The following NCAM1 variants were observed in gnomAD, a reference collection of about 807,000 sequenced individuals.
NCAM1 encodes neural cell adhesion molecule 1, also known as antigen recognized by monoclonal antibody 5.1H11.
A neutral mutation model predicts 109.8 loss-of-function variants in NCAM1; 14 were observed. The observed-to-expected ratio is 0.13, with a 90% CI of 0.08 to 0.20. NCAM1 has a LOEUF of 0.20. NCAM1 is among the 10% of genes least tolerant of loss of function. NCAM1 has a pLI of 1.00. For missense variants in NCAM1, 774 were observed against 1,109.9 expected, an observed-to-expected ratio of 0.70 and a Z score of 4.30; for synonymous variants, 418 against 442.9, an observed-to-expected ratio of 0.94 and a Z score of 0.70.
chr11:113,068,222 G>GT (rs1470550495), intron 1 of NCAM1, among the ~76,000 whole-genome samples: 2 of 152,066 alleles, frequency 1.3e-5, no homozygotes. Flanking sequence ...CATATACCAA[G>GT]TTTTTAAGAC....
intron 1 of NCAM1, among the ~76,000 whole-genome samples, chr11:113,083,681 AG>A (rs1555087722): frequency 1.3e-5 from 2 of 152,186 alleles, no homozygotes; most frequent in African/African-American, 4.8e-5. Flanking sequence ...CGGTCCCCCA[AG>A]AATCTTGTTA....
intron 1 of NCAM1, among the ~76,000 whole-genome samples, chr11:112,992,200 A>AT (rs1207271160): frequency 4.0e-5 from 6 of 151,876 alleles, no homozygotes; most frequent in East Asian, 1.9e-4. Context: ...ATTTTTATGC[A>AT]TTTTTTTCAA....
In NCAM1 at chr11:113,122,110, T is replaced by A. The variant is rs558579451; in HGVS notation, c.53-80269T>A. Reference sequence around the variant, plus strand: ...ACACATCTCTCTAAGCCCATAACAGTTGCCTGGTGTCATCAGCTTGCCTTC... The same window carrying A: ...ACACATCTCTCTAAGCCCATAACAGATGCCTGGTGTCATCAGCTTGCCTTC... On this transcript the variant is annotated intron_variant, in intron 1 of 19. Transcript: ENST00000316851. Among the ~76,000 whole-genome samples, 6 of 152,334 alleles carry A rather than the reference T, an allele frequency of 3.9e-5. No individual in the cohort carries two copies. In the East Asian group the frequency reaches 1.2e-3, roughly 29 times the overall value.
At chr11:113,053,245 T>G (rs1489777956) in intron 1 of NCAM1, among the ~76,000 whole-genome samples, 1 of 152,210 alleles carries the variant, frequency 6.6e-6, no homozygotes, top group Non-Finnish European at 1.5e-5. Flanking sequence ...TCTCATTCCT[T>G]TTTTATGGCT....
intron 1 of NCAM1, among the ~76,000 whole-genome samples, chr11:113,057,864 A>G (rs1240304806): frequency 6.6e-6 from 1 of 152,224 alleles, no homozygotes; most frequent in Non-Finnish European, 1.5e-5. Context: ...AGCAGACCGC[A>G]AGACTTCTTA....
chr11:113,063,717 T>C (rs1272072356), intron 1 of NCAM1, among the ~76,000 whole-genome samples: 2 of 152,214 alleles, frequency 1.3e-5, no homozygotes, highest in Non-Finnish European at 2.9e-5. Context: ...ACCTTGTCTA[T>C]GCTAAGAACA....
At chr11:112,992,801 C>G (rs1951499636) in intron 1 of NCAM1, among the ~76,000 whole-genome samples, 1 of 152,094 alleles carries the variant, frequency 6.6e-6, no homozygotes, top group Non-Finnish European at 1.5e-5. Flanking sequence ...GCCACCGCAC[C>G]CGGCCTGAAA....
At chr11:113,051,634 A>G (rs1161392456) in intron 1 of NCAM1, among the ~76,000 whole-genome samples, 1 of 152,172 alleles carries the variant, frequency 6.6e-6, no homozygotes, top group Non-Finnish European at 1.5e-5. Context: ...TGTAGTATAA[A>G]CTATTTTGTA....
intron 9 of NCAM1, among the ~76,000 whole-genome samples, chr11:113,222,453 T>C (rs1359511826): frequency 6.6e-6 from 1 of 152,230 alleles, no homozygotes; most frequent in Middle Eastern, 3.2e-3. Flanking sequence ...CAGTTCATTA[T>C]AAACTTCCTG....
At chr11:112,995,688 G>A (rs1364199444) in intron 1 of NCAM1, among the ~76,000 whole-genome samples, 2 of 152,186 alleles carry the variant, frequency 1.3e-5, no homozygotes, top group Non-Finnish European at 2.9e-5. Context: ...GCTAGCAATA[G>A]CAAAGATAGA....
Position 113,233,312 on chromosome 11 carries a change from A to G in NCAM1, c.1688A>G (p.Lys563Arg), listed in dbSNP as rs960745016. 6.2e-7 allele frequency: 1 copy of G among 1,612,660 alleles called. No homozygotes were observed. Among genetic ancestry groups the G allele is most frequent in the Non-Finnish European group, 8.5e-7 (1 of 1,179,380 alleles). The part of the protein sequence containing the change: ...EVWHSKWYDA[K>R]EASMEGIVTI... ...TGGCATTCCAAGTGGTATGATGCCAAGGAAGGTGAGTTGGGCGAGTTGGTG... is the reference window on the plus strand; with the variant it reads ...TGGCATTCCAAGTGGTATGATGCCAGGGAAGGTGAGTTGGGCGAGTTGGTG... The change falls in exon 13 of 20, where the codon AAG (lysine) becomes AGG (arginine). Residue 563 changes from lysine (K) to arginine (R), a missense_variant. Lys to Arg is a conservative substitution (Grantham distance 26, BLOSUM62 2). Coordinates refer to ENST00000316851, the MANE Select transcript of NCAM1 (RefSeq NM_181351.5). The surrounding 1 kb of genome is among the most constrained non-coding windows in gnomAD (Gnocchi z 4.5).
chr11:113,262,660 T>C (rs1555123587), intron 17 of NCAM1, among the ~76,000 whole-genome samples: 1 of 152,150 alleles, frequency 6.6e-6, no homozygotes, highest in Admixed American at 6.5e-5. Context: ...GTTGACCTAA[T>C]TTTTTTTCTT....
At chr11:113,256,097 G>C (rs1389883198) in intron 16 of NCAM1, 96 bp downstream of exon 16, 6 of 1,472,414 alleles carry the variant, frequency 4.1e-6, no homozygotes, top group Non-Finnish European at 1.8e-6. Context: ...GGCAGGGGTG[G>C]GATGGGGTCT....
chr11:113,242,101 G>C lies in NCAM1; in HGVS notation c.1826-4267G>C, dbSNP rs1372967352. On this transcript the variant is annotated intron_variant, in intron 14 of 19. Coordinates refer to ENST00000316851, the MANE Select transcript of NCAM1 (RefSeq NM_181351.5). ...AGTCGCTAAGCCTCCCCAAGTCTCAGATTTCTTACCTCTAAGGTGAAGGAT... is the reference window on the plus strand; with the variant it reads ...AGTCGCTAAGCCTCCCCAAGTCTCACATTTCTTACCTCTAAGGTGAAGGAT... 3.3e-5 allele frequency among the ~76,000 whole-genome samples: 5 copies of C among 152,332 alleles called. No homozygotes were observed. In the East Asian group the frequency reaches 9.6e-4, roughly 29 times the overall value.
At position 113,233,086 on chromosome 11, in the gene NCAM1, G is replaced by T; in HGVS notation, c.1523-61G>T. The T allele has an allele frequency of 6.7e-7, 1 of 1,494,492 alleles. No homozygotes were observed. The highest frequency in any genetic ancestry group is 9.2e-7 in the Non-Finnish European group (1 of 1,090,988). The allele number at this position is 1,494,492 out of a possible 1,614,324, so 92.6% of individuals were successfully genotyped here. A position where few individuals can be genotyped will look rare whatever the true frequency, so the allele number is the denominator to read the frequency against. ...TGACAGAGATGTGCCTTGTGACTGA[G>T]AGTTAATGGTCTTGGGCCAAACTGG... On this transcript the variant is annotated intron_variant, in intron 12 of 19. Transcript: ENST00000316851. The surrounding 1 kb of genome is among the most constrained non-coding windows in gnomAD (Gnocchi z 4.5).
chr11:113,040,193 T>C (rs1029341815), intron 1 of NCAM1, among the ~76,000 whole-genome samples: 2 of 152,164 alleles, frequency 1.3e-5, no homozygotes, highest in African/African-American at 4.8e-5. Context: ...ATGCGATATC[T>C]TACCTTTTTG....
At chr11:113,079,963 G>A (rs564094195) in intron 1 of NCAM1, among the ~76,000 whole-genome samples, 1 of 152,150 alleles carries the variant, frequency 6.6e-6, no homozygotes, top group South Asian at 2.1e-4. Context: ...ATCTGTAAGG[G>A]TTTAAAGTCC....
At chr11:113,210,775 A>ACACACACACACACAC in intron 7 of NCAM1, among the ~76,000 whole-genome samples, 1 of 130,980 alleles carries the variant, frequency 7.6e-6, no homozygotes, top group East Asian at 2.3e-4. Flanking sequence ...CTTCATCACA[A>ACACACACACACACAC]ACACACACAC....
chr11:113,277,042 C>CAAA lies in NCAM1; in HGVS notation c.*1658_*1660dup. 3.5e-6 allele frequency: 1 copy of CAAA among 289,108 alleles called. No individual in the cohort carries two copies. Among genetic ancestry groups the CAAA allele is most frequent in the Non-Finnish European group, 6.4e-6 (1 of 157,090 alleles). The allele number at this position is 289,108 out of a possible 1,614,324, so 17.9% of individuals were successfully genotyped here. A position where few individuals can be genotyped will look rare whatever the true frequency, so the allele number is the denominator to read the frequency against. On this transcript the variant is annotated 3_prime_UTR_variant, in exon 20 of 20. Transcript: ENST00000316851. ...TAGTTCAGAAAAAATATTCAGGAAACAAAAATCACTCAAACGGAATCGAAG... is the reference window on the plus strand; with the variant it reads ...TAGTTCAGAAAAAATATTCAGGAAACAAAAAAAATCACTCAAACGGAATCGAAG...
Sources: gnomAD v4.1 joint callset for allele counts (sites outside exome capture counted in the v4.1 genomes callset) on GRCh38, gnomAD v4.1.1 for gene constraint, Gnocchi (gnomAD v3.1) non-coding constraint, MANE v1.5 for transcripts, NCBI Gene and HGNC (gene_info 2026-07-23, HGNC 2026-07-21) for gene names.